The following SHANK2 variants were observed in gnomAD, a reference collection of about 807,000 sequenced individuals.
SHANK2 encodes the protein SH3 and multiple ankyrin repeat domains 2, also known as SH3 and multiple ankyrin repeat domains protein 2.
SHANK2 carries 43 observed loss-of-function variants against 133.7 expected under a neutral mutation model. The ratio of observed to expected loss-of-function variants is 0.32; its 90% CI spans 0.25 to 0.41. SHANK2 has a LOEUF of 0.41. Among genes scored for constraint, SHANK2 ranks in the 10% least tolerant of loss-of-function variants. The pLI is 1.00. For synonymous variants in SHANK2, 1,017 were observed against 952.8 expected (o/e 1.07, Z -1.24); for missense variants, 1,994 against 2,235.8 (o/e 0.89, Z 2.18).
At chr11:70,902,740 G>A (rs1555077023) in intron 10 of SHANK2, among the ~76,000 whole-genome samples, 2 of 152,164 alleles carry the variant, frequency 1.3e-5, no homozygotes, top group Non-Finnish European at 2.9e-5. Context: ...AATCATATCT[G>A]AGATGGGAAC....
chr11:70,863,064 A>G (rs73534054), intron 11 of SHANK2, among the ~76,000 whole-genome samples: 3,948 of 152,294 alleles, frequency 0.026, 158 homozygotes, highest in African/African-American at 0.09. Flanking sequence ...GGTAGCATCC[A>G]TCTTAGATGG....
rs1443261664 is a variant in SHANK2 at position 70,687,348 on chromosome 11, G to A, written c.1853+11340C>T. Among the ~76,000 whole-genome samples the A allele has an allele frequency of 5.9e-5, 9 of 152,282 alleles. No homozygotes were observed. The South Asian group carries it at 6.2e-4, about 11-fold the overall frequency. On this transcript the variant is annotated intron_variant, in intron 15 of 25. Coordinates refer to ENST00000601538, the MANE Select transcript of SHANK2 (RefSeq NM_012309.5). The stretch of plus-strand genomic sequence containing the variant: ...ACTTCATTACCCTGTGTAAGACCCC[G>A]ACTCAGAGCACAAGGTTGGAGCAGG...
At chr11:70,563,830 G>A (rs1280221191) in intron 17 of SHANK2, among the ~76,000 whole-genome samples, 7 of 152,134 alleles carry the variant, frequency 4.6e-5, no homozygotes, top group African/African-American at 1.7e-4. Flanking sequence ...GTACCTGCTG[G>A]TGATGAATGA....
intron 17 of SHANK2, among the ~76,000 whole-genome samples, chr11:70,600,210 G>A (rs1173173159): frequency 1.3e-5 from 2 of 152,016 alleles, no homozygotes; most frequent in African/African-American, 4.8e-5. Flanking sequence ...CTTGAGGTCA[G>A]GAGTTTGAGA....
chr11:70,487,800 TCTC>T lies in SHANK2; in HGVS notation c.2573-83_2573-81del. Reference sequence around the variant, plus strand: ...TCCTAGGAACGTGCGATACGCTACATCTCCACAAACTCACAAATTCAGATGATG... The same window carrying T: ...TCCTAGGAACGTGCGATACGCTACATCACAAACTCACAAATTCAGATGATG... On this transcript the variant is annotated intron_variant, in intron 24 of 25. Transcript: ENST00000601538. This position sits in a 1 kb window ranked among gnomAD's most constrained non-coding sequence, Gnocchi z 5.8. 6.5e-7 allele frequency: 1 copy of T among 1,548,830 alleles called. No homozygotes were observed. Among genetic ancestry groups the T allele is most frequent in the Middle Eastern group, 1.8e-4 (1 of 5,604 alleles).
At chr11:70,663,011 G>A (rs143903112) in intron 15 of SHANK2, among the ~76,000 whole-genome samples, 8 of 152,304 alleles carry the variant, frequency 5.3e-5, no homozygotes, top group African/African-American at 1.9e-4. Flanking sequence ...GGAAGGGAGG[G>A]AGGCAGCGTG....
chr11:70,762,119 A>G (rs2134985451), intron 14 of SHANK2, among the ~76,000 whole-genome samples: 1 of 152,258 alleles, frequency 6.6e-6, no homozygotes, highest in Non-Finnish European at 1.5e-5. Context: ...CTTTTCCTCA[A>G]TCTGCCAATG....
chr11:70,786,492 T>C (rs1226157980), intron 14 of SHANK2, among the ~76,000 whole-genome samples: 1 of 152,136 alleles, frequency 6.6e-6, no homozygotes, highest in Non-Finnish European at 1.5e-5. Context: ...GTATGGACTT[T>C]TATACCTTTA....
At chr11:70,665,110 C>T (rs1485701042) in intron 15 of SHANK2, among the ~76,000 whole-genome samples, 10 of 152,160 alleles carry the variant, frequency 6.6e-5, no homozygotes, top group Admixed American at 6.5e-4. Flanking sequence ...AGGGCTAAAA[C>T]CTTTTCAGTG....
intron 14 of SHANK2, among the ~76,000 whole-genome samples, chr11:70,711,996 G>A (rs991510518): frequency 1.3e-5 from 2 of 152,122 alleles, no homozygotes; most frequent in Non-Finnish European, 2.9e-5. Flanking sequence ...CAACACAAAC[G>A]TCTCCCCTTA....
chr11:71,197,010 A>AAAC (rs528465843), intron 2 of SHANK2, among the ~76,000 whole-genome samples: 4,147 of 150,424 alleles, frequency 0.028, 101 homozygotes, highest in African/African-American at 0.057. Flanking sequence ...AAAAAAAAAA[A>AAAC]AAAAAAAAAC....
intron 8 of SHANK2, among the ~76,000 whole-genome samples, chr11:71,086,577 G>A (rs1028286151): frequency 1.0e-4 from 15 of 145,624 alleles, no homozygotes; most frequent in Non-Finnish European, 2.2e-4. Context: ...CATTAGACTT[G>A]GAGTTAAGCA....
chr11:70,616,164 T>C (rs4980626), intron 17 of SHANK2, among the ~76,000 whole-genome samples: 150,364 of 152,236 alleles, frequency 0.99, 74,285 homozygotes, highest in Middle Eastern at 1. Flanking sequence ...TGTAGGTTGA[T>C]AAGAGTTCAA....
chr11:70,641,577 A>G (rs2134158243), intron 17 of SHANK2, among the ~76,000 whole-genome samples: 1 of 152,108 alleles, frequency 6.6e-6, no homozygotes, highest in East Asian at 1.9e-4. Context: ...CAGAAGCGGA[A>G]GTGATATGCA....
chr11:70,637,667 G>C (rs2061122743), intron 17 of SHANK2, among the ~76,000 whole-genome samples: 1 of 152,244 alleles, frequency 6.6e-6, no homozygotes, highest in Non-Finnish European at 1.5e-5. Flanking sequence ...TGGGAGTGAG[G>C]CTGGCGCCCT....
chr11:70,717,568 CA>C (rs1945966750), intron 14 of SHANK2, among the ~76,000 whole-genome samples: 3 of 152,216 alleles, frequency 2.0e-5, no homozygotes, highest in Admixed American at 1.3e-4. Flanking sequence ...CCCGTCTCAC[CA>C]AGCGCCGGCA....
rs941245338 is a variant in SHANK2, at chr11:70,489,150, T to G, written c.2572+178A>C. 2.0e-5 allele frequency: 13 copies of G among 658,760 alleles called. No individual in the cohort carries two copies. In the African/African-American group the frequency reaches 2.3e-4, roughly 12 times the overall value. The allele number at this position is 658,760 out of a possible 1,614,324, so 40.8% of individuals were successfully genotyped here. On this transcript the variant is annotated intron_variant, in intron 24 of 25. Coordinates refer to ENST00000601538, the MANE Select transcript of SHANK2 (RefSeq NM_012309.5). ...TATTCCAAATTTAACATACTCCTTG[T>G]GGGAGGACATTTTGGCATTGCAAAG...
At chr11:71,251,335 A>G (rs1195269943) in intron 1 of SHANK2, among the ~76,000 whole-genome samples, 2 of 152,140 alleles carry the variant, frequency 1.3e-5, no homozygotes, top group African/African-American at 4.8e-5. Context: ...GCCAAGCCCC[A>G]GAACCCTGGC....
intron 14 of SHANK2, among the ~76,000 whole-genome samples, chr11:70,722,481 T>A (rs1205155947): frequency 2.0e-5 from 3 of 152,220 alleles, no homozygotes; most frequent in Non-Finnish European, 4.4e-5. Flanking sequence ...TTCAATCCCC[T>A]CTGTTTGAAA....
Sources: allele counts gnomAD v4.1 joint callset (sites outside exome capture counted in the v4.1 genomes callset), GRCh38; gene constraint gnomAD v4.1.1; non-coding constraint Gnocchi (gnomAD v3.1); transcripts MANE v1.5; gene names NCBI Gene and HGNC (gene_info 2026-07-23, HGNC 2026-07-21).